The following RPS24 variants were observed in gnomAD, a reference collection of about 807,000 sequenced individuals.
The protein encoded by RPS24 is ribosomal protein S24.
For missense variants in RPS24, 100 were observed against 162.5 expected (o/e 0.62, Z 2.09); for synonymous variants, 72 against 55.6 (o/e 1.30, Z -1.31).
chr10:78,054,631 T>C (rs1478729441), exon 5 of RPS24: 1 of 1,550,848 alleles, frequency 6.4e-7, no homozygotes, highest in African/African-American at 1.4e-5. Flanking sequence ...AGCCGGGGGG[T>C]TGTGTGGCAG....
intron 4 of RPS24, chr10:78,039,678 C>G (rs1490485500): frequency 1.3e-5 from 2 of 159,868 alleles, no homozygotes; most frequent in African/African-American, 2.4e-5. Flanking sequence ...AAATTAATGC[C>G]TCTTTTTAAA....
At position 78,054,795 on chromosome 10, in the gene RPS24, G is replaced by T; in HGVS notation, c.655G>T (p.Gly219Ter). Reference sequence around the variant, plus strand: ...TTTGGAGAGGGCACTGGTCAGAAACGGAGCCTTCATGTCGCCTGCCTCACC... The same window carrying T: ...TTTGGAGAGGGCACTGGTCAGAAACTGAGCCTTCATGTCGCCTGCCTCACC... The change falls in exon 5 of 5, where the codon GGA becomes TGA. Residue 219 changes from glycine (G) to a stop codon, truncating the protein, a stop_gained. Transcript: ENST00000440692. LOFTEE classifies it low-confidence loss of function (END_TRUNC). The T allele has an allele frequency of 6.4e-7, 1 of 1,551,606 alleles. No individual in the cohort carries two copies.
At chr10:78,044,055 A>G (rs78958823), downstream of RPS24, among the ~76,000 whole-genome samples, 591 of 152,314 alleles carry the variant, frequency 3.9e-3, 4 homozygotes, top group African/African-American at 0.013. Flanking sequence ...CTACTACAGT[A>G]TAATTATTAA....
exon 5 of RPS24, chr10:78,055,466 T>G (rs1848141531): frequency 6.5e-6 from 1 of 154,136 alleles, no homozygotes; most frequent in African/African-American, 2.4e-5. Context: ...AATAAATACT[T>G]GTTGAATGAC....
At chr10:78,052,350 G>A (rs1396931867) in intron 4 of RPS24, among the ~76,000 whole-genome samples, 1 of 152,114 alleles carries the variant, frequency 6.6e-6, no homozygotes, top group Admixed American at 6.6e-5. Flanking sequence ...TCTGTCCTTG[G>A]AAACTGCTGT....
chr10:78,048,426 C>T (rs1423949784), intron 4 of RPS24, among the ~76,000 whole-genome samples: 4 of 152,074 alleles, frequency 2.6e-5, no homozygotes, highest in Non-Finnish European at 5.9e-5. Flanking sequence ...GACTGCTCAC[C>T]CAGCTGAGCC....
chr10:78,049,396 ATGTT>A (rs1848077439), intron 4 of RPS24, among the ~76,000 whole-genome samples: 1 of 152,030 alleles, frequency 6.6e-6, no homozygotes, highest in South Asian at 2.1e-4. Flanking sequence ...TTTAGAGGGT[ATGTT>A]AGGGAGGAGG....
intron 3 of RPS24, chr10:78,035,956 AG>A (rs1413869886): frequency 7.6e-6 from 4 of 525,092 alleles, no homozygotes; most frequent in Non-Finnish European, 1.4e-5. Flanking sequence ...GAGATGGGCT[AG>A]GGGTAAGGAT....
At chr10:78,055,662 C>T (rs1165502575) in exon 5 of RPS24, 1 of 152,152 alleles carries the variant, frequency 6.6e-6, no homozygotes, top group Non-Finnish European at 1.5e-5. Flanking sequence ...TTGCCTAATC[C>T]CCTCTTAGTG....
At chr10:78,034,487 CT>C (rs201580790) in intron 1 of RPS24, 108 of 153,270 alleles carry the variant, frequency 7.0e-4, no homozygotes, top group Non-Finnish European at 1.1e-3. Context: ...TACCAGCAAT[CT>C]TTTTTTTTTC....
At chr10:78,053,808 C>T (rs946403024) in intron 4 of RPS24, among the ~76,000 whole-genome samples, 1 of 152,136 alleles carries the variant, frequency 6.6e-6, no homozygotes, top group Non-Finnish European at 1.5e-5. Context: ...CATAAGTCTC[C>T]AGGTGGACTC....
chr10:78,051,564 G>A (rs1848098974), intron 4 of RPS24, among the ~76,000 whole-genome samples: 4 of 152,212 alleles, frequency 2.6e-5, no homozygotes, highest in Admixed American at 2.0e-4. Flanking sequence ...GCAAGTTTTT[G>A]TGTGGATGTT....
At chr10:78,035,450 G>T (rs1263595970) in intron 2 of RPS24, 33 bp downstream of exon 2, 1 of 1,613,246 alleles carries the variant, frequency 6.2e-7, no homozygotes, top group East Asian at 2.2e-5. Context: ...TTGCTTAATT[G>T]TCCTTTACTC....
In RPS24 at chr10:78,035,380, A is replaced by G; in HGVS notation, c.32A>G (p.Lys11Arg). 19 of 1,614,196 alleles carry G rather than the reference A, an allele frequency of 1.2e-5. No individual in the cohort carries two copies. Among genetic ancestry groups the G allele is most frequent in the Non-Finnish European group, 1.6e-5 (19 of 1,180,020 alleles). ...GACACCGTAACTATCCGCACTAGAAAGTTCATGACCAACCGACTACTTCAG... is the reference window on the plus strand; with the variant it reads ...GACACCGTAACTATCCGCACTAGAAGGTTCATGACCAACCGACTACTTCAG... The part of the protein sequence containing the change: MNDTVTIRTR[K>R]FMTNRLLQRK... Residue 11 changes from lysine (K) to arginine (R), a missense_variant, in exon 2 of 6, where the codon AAG becomes AGG. Transcript: ENST00000372360.
At chr10:78,037,805 C>T (rs1233645402) in intron 4 of RPS24, 2 of 451,250 alleles carry the variant, frequency 4.4e-6, no homozygotes, top group African/African-American at 4.2e-5. Flanking sequence ...AGCTTTTTAC[C>T]AGCTTTGCTA....
chr10:78,034,907 A>G (rs542919919), intron 1 of RPS24, among the ~76,000 whole-genome samples: 34 of 152,324 alleles, frequency 2.2e-4, no homozygotes, highest in Non-Finnish European at 4.6e-4. Context: ...TTTTTCTCCT[A>G]AGGGAACAGT....
intron 4 of RPS24, chr10:78,039,027 GA>G (rs1027876722): frequency 6.6e-6 from 1 of 152,196 alleles, no homozygotes; most frequent in Non-Finnish European, 1.5e-5. Flanking sequence ...GTGGGATTTT[GA>G]ATCAATGAAG....
chr10:78,053,644 G>A (rs1848122424), intron 4 of RPS24, among the ~76,000 whole-genome samples: 1 of 152,182 alleles, frequency 6.6e-6, no homozygotes, highest in Non-Finnish European at 1.5e-5. Flanking sequence ...TCCTGAAGGG[G>A]AGAGGAAATG....
chr10:78,043,936 G>A (rs148657737), downstream of RPS24, among the ~76,000 whole-genome samples: 584 of 149,032 alleles, frequency 3.9e-3, 2 homozygotes, highest in African/African-American at 0.012. Context: ...AGCCTAACAC[G>A]TCACCATGCC....
Sources: gnomAD v4.1 joint callset for allele counts (sites outside exome capture counted in the v4.1 genomes callset) on GRCh38, gnomAD v4.1.1 for gene constraint, MANE v1.5 for transcripts, NCBI Gene and HGNC (gene_info 2026-07-23, HGNC 2026-07-21) for gene names.